KCNH7: variants seen among roughly 807,000 people sequenced by gnomAD.
KCNH7 encodes voltage-gated inwardly rectifying potassium channel KCNH7.
In KCNH7, 49 loss-of-function variants were observed where a neutral mutation model predicts 120.8. The observed-to-expected ratio is 0.41, with a 90% CI of 0.32 to 0.51. The LOEUF is 0.51. KCNH7 is among the 20% of genes least tolerant of loss of function. The pLI is 0.38. For missense variants in KCNH7, 1,097 were observed against 1,446.6 expected (o/e 0.76, Z 3.92); for synonymous variants, 547 against 516.1 (o/e 1.06, Z -0.81).
chr2:162,783,051 C>A (rs964535252), intron 2 of KCNH7, among the ~76,000 whole-genome samples: 2 of 152,188 alleles, frequency 1.3e-5, no homozygotes, highest in Admixed American at 6.5e-5. Context: ...CATCCAGCAT[C>A]TTTCTGTTAT....
At chr2:162,677,506 A>C (rs569247234) in intron 2 of KCNH7, among the ~76,000 whole-genome samples, 1 of 151,554 alleles carries the variant, frequency 6.6e-6, no homozygotes, top group Admixed American at 6.6e-5. Context: ...ATGCCACTGC[A>C]TGGAGTTGTA....
chr2:162,396,383 C>A (rs964161477), intron 11 of KCNH7, among the ~76,000 whole-genome samples: 1 of 151,670 alleles, frequency 6.6e-6, no homozygotes. Context: ...AATATTCTAA[C>A]CTCTGTATAA....
intron 2 of KCNH7, among the ~76,000 whole-genome samples, chr2:162,752,289 A>G (rs1173174951): frequency 6.6e-6 from 1 of 152,174 alleles, no homozygotes; most frequent in Non-Finnish European, 1.5e-5. Context: ...AATTTCTACC[A>G]CTTTGTTGCC....
At chr2:162,425,915 A>T (rs1157479929) in intron 8 of KCNH7, among the ~76,000 whole-genome samples, 4 of 152,110 alleles carry the variant, frequency 2.6e-5, no homozygotes, top group African/African-American at 9.7e-5. Flanking sequence ...AGTTGAATAG[A>T]TAAGAGACTA....
intron 2 of KCNH7, among the ~76,000 whole-genome samples, chr2:162,603,079 G>T (rs1307441765): frequency 6.6e-6 from 1 of 151,864 alleles, no homozygotes; most frequent in Non-Finnish European, 1.5e-5. Flanking sequence ...AACAGGTGAA[G>T]ATTACGAGTT....
intron 2 of KCNH7, among the ~76,000 whole-genome samples, chr2:162,752,036 T>G (rs1312959988): frequency 6.6e-6 from 1 of 152,176 alleles, no homozygotes; most frequent in Non-Finnish European, 1.5e-5. Context: ...TAGCTTGCAT[T>G]TTTTAAAAAT....
intron 2 of KCNH7, among the ~76,000 whole-genome samples, chr2:162,559,555 C>A (rs1692987511): frequency 6.6e-6 from 1 of 152,166 alleles, no homozygotes; most frequent in Non-Finnish European, 1.5e-5. Context: ...GACTTCAAAA[C>A]ATGCAAACAA....
chr2:162,741,214 C>CATGTTATTAATTATACATATTAATAACAT (rs1688116390), intron 2 of KCNH7, among the ~76,000 whole-genome samples: 2 of 139,066 alleles, frequency 1.4e-5, no homozygotes, highest in African/African-American at 5.6e-5. Flanking sequence ...ATATTAATAA[C>CATGTTATTAATTATACATATTAATAACAT]ATGTTATTAG....
intron 2 of KCNH7, among the ~76,000 whole-genome samples, chr2:162,702,538 C>T (rs895155932): frequency 7.9e-5 from 12 of 152,080 alleles, no homozygotes; most frequent in Non-Finnish European, 1.5e-5. Flanking sequence ...AAAATAATTG[C>T]AACAATTATC....
Position 162,435,132 on chromosome 2 carries a change from T to A in KCNH7, c.1954+66A>T, listed in dbSNP as rs1688195114. 2.8e-6 allele frequency: 4 copies of A among 1,404,414 alleles called. No individual in the cohort carries two copies. In the South Asian group the frequency reaches 5.5e-5, roughly 19 times the overall value. 87.0% of individuals were successfully genotyped at this position (1,404,414 alleles called of 1,614,324 possible). ...CTTTTTCTTTGCCTTACTCTAAATA[T>A]TGTAGAAATATTAATTTCAAGGTAT... On this transcript the variant is annotated intron_variant, in intron 8 of 15. Coordinates refer to ENST00000332142, the MANE Select transcript of KCNH7 (RefSeq NM_033272.4).
chr2:162,642,498 A>G lies in KCNH7; in HGVS notation c.308-105418T>C, dbSNP rs571490347. 3.3e-4 allele frequency among the ~76,000 whole-genome samples: 51 copies of G among 152,334 alleles called. No individual in the cohort carries two copies. In the South Asian group the frequency reaches 0.01, roughly 30 times the overall value. On this transcript the variant is annotated intron_variant, in intron 2 of 15. Transcript: ENST00000332142. ...CACATATTTCTGAGTTACTTAAATG[A>G]AAGATTCTCAGTTTAGCTAATCACA...
intron 2 of KCNH7, among the ~76,000 whole-genome samples, chr2:162,582,257 A>G (rs1278412487): frequency 6.6e-6 from 1 of 152,122 alleles, no homozygotes; most frequent in Non-Finnish European, 1.5e-5. Flanking sequence ...CATTAATCAC[A>G]ACCGGCTATT....
chr2:162,391,694 G>A (rs1351628970), intron 12 of KCNH7, among the ~76,000 whole-genome samples: 3 of 152,006 alleles, frequency 2.0e-5, no homozygotes, highest in Non-Finnish European at 2.9e-5. Context: ...CTTATCAGGC[G>A]ATAAAAACAT....
At chr2:162,568,749 A>C (rs913966526) in intron 2 of KCNH7, among the ~76,000 whole-genome samples, 1 of 152,018 alleles carries the variant, frequency 6.6e-6, no homozygotes. Context: ...AGGTCTAGCA[A>C]AAAGAATGCA....
chr2:162,489,473 G>A (rs1690219102), intron 6 of KCNH7, among the ~76,000 whole-genome samples: 1 of 152,118 alleles, frequency 6.6e-6, no homozygotes, highest in African/African-American at 2.4e-5. Flanking sequence ...CAGCTCACGG[G>A]CTGAGGGCTA....
At chr2:162,752,285 T>G (rs2105433080) in intron 2 of KCNH7, among the ~76,000 whole-genome samples, 1 of 152,312 alleles carries the variant, frequency 6.6e-6, no homozygotes, top group South Asian at 2.1e-4. Context: ...TAAAAATTTC[T>G]ACCACTTTGT....
At chr2:162,672,492 A>G (rs1443073959) in intron 2 of KCNH7, among the ~76,000 whole-genome samples, 3 of 152,040 alleles carry the variant, frequency 2.0e-5, no homozygotes, top group African/African-American at 7.2e-5. Flanking sequence ...CGTGTAGGAT[A>G]CAGCTAAAGT....
rs566663202 is a variant in KCNH7, at chr2:162,764,264, A to C, written c.307+72273T>G. 7.9e-5 allele frequency among the ~76,000 whole-genome samples: 12 copies of C among 152,254 alleles called. No individual in the cohort carries two copies. In the East Asian group the frequency reaches 2.3e-3, roughly 29 times the overall value. On this transcript the variant is annotated intron_variant, in intron 2 of 15. Coordinates refer to ENST00000332142, the MANE Select transcript of KCNH7 (RefSeq NM_033272.4). ...TTATAAAAGAGAAATAGCAGCAGCT[A>C]CAAGAAGCCATCATGCTTTGATTTT...
chr2:162,604,788 A>C (rs1028194168), intron 2 of KCNH7, among the ~76,000 whole-genome samples: 1 of 151,878 alleles, frequency 6.6e-6, no homozygotes, highest in Non-Finnish European at 1.5e-5. Context: ...CCCTTTTTTC[A>C]TACTAAGGCC....
Sources: gnomAD v4.1 joint callset for allele counts (sites outside exome capture counted in the v4.1 genomes callset) on GRCh38, gnomAD v4.1.1 for gene constraint, MANE v1.5 for transcripts, NCBI Gene and HGNC (gene_info 2026-07-23, HGNC 2026-07-21) for gene names.